The following ZNF585A variants were observed in gnomAD, a reference collection of about 807,000 sequenced individuals.
The protein encoded by ZNF585A is zinc finger protein 585A.
A neutral mutation model predicts 14.9 loss-of-function variants in ZNF585A; 9 were observed. The observed-to-expected ratio is 0.60, with a 90% CI of 0.36 to 1.05. ZNF585A has a LOEUF of 1.05. Ranked by LOEUF, ZNF585A falls within the 50% of genes least tolerant of loss-of-function variation. ZNF585A has a pLI of 0.01. For missense variants in ZNF585A, 726 were observed against 926.4 expected (o/e 0.78, Z 2.81); for synonymous variants, 276 against 319.9 (o/e 0.86, Z 1.46).
At chr19:37,163,013 C>T (rs559944808) in intron 2 of ZNF585A, among the ~76,000 whole-genome samples, 2 of 152,068 alleles carry the variant, frequency 1.3e-5, no homozygotes, top group South Asian at 2.1e-4. Flanking sequence ...GAAATGAAGA[C>T]GCATGCTCTA....
In ZNF585A at chr19:37,151,987, C is replaced by T. The variant is rs750251855; in HGVS notation, c.1912G>A (p.Glu638Lys). The T allele has an allele frequency of 6.8e-6, 11 of 1,614,042 alleles. No homozygotes were observed. Among genetic ancestry groups the T allele is most frequent in the South Asian group, 6.6e-5 (6 of 91,076 alleles). Residue 638 changes from glutamate (E) to lysine (K), a missense_variant, in exon 5 of 5, where the codon GAG becomes AAG. Glu to Lys is a moderately conservative substitution (Grantham distance 56). Around this residue, in one of 2 missense-constraint regions of ZNF585A, gnomAD observed 243 missense variants for 383.6 expected, o/e 0.63. Transcript: ENST00000292841. ...HTGEKPYVCA[E>K]CGKAFSGRSN... is the part of the protein sequence containing the mutation. ...CTGCCACTAAAGGCCTTCCCGCACT[C>T]GGCACACACATAGGGTTTCTCTCCT...
intron 4 of ZNF585A, among the ~76,000 whole-genome samples, chr19:37,154,673 CA>C (rs5827973): frequency 0.56 from 85,427 of 151,524 alleles, 25,713 homozygotes; most frequent in African/African-American, 0.77. Flanking sequence ...CAGTGACCCC[CA>C]AAGTCATCAG....
intron 2 of ZNF585A, among the ~76,000 whole-genome samples, 167 bp downstream of exon 2, chr19:37,169,672 G>A (rs1386292461): frequency 1.3e-5 from 2 of 152,158 alleles, no homozygotes; most frequent in Non-Finnish European, 2.9e-5. Context: ...CCCACATGTT[G>A]CTCATTCTCA....
Position 37,152,601 on chromosome 19 carries a change from G to A in ZNF585A, c.1298C>T (p.Thr433Ile). 1.2e-6 allele frequency: 2 copies of A among 1,614,170 alleles called. No homozygotes were observed. Among genetic ancestry groups the A allele is most frequent in the Non-Finnish European group, 1.7e-6 (2 of 1,180,042 alleles). The part of the protein sequence containing the change: ...AHLIAHQIIH[T>I]GEKPHKCGHC... Reference sequence around the variant, plus strand: ...ACCACATTTATGAGGTTTCTCTCCAGTATGAATTATTTGATGTGCAATCAA... The same window carrying A: ...ACCACATTTATGAGGTTTCTCTCCAATATGAATTATTTGATGTGCAATCAA... Residue 433 changes from threonine (T) to isoleucine (I), a missense_variant, in exon 5 of 5, where the codon ACT (threonine) becomes ATT (isoleucine). Thr to Ile is a moderately conservative substitution (Grantham distance 89, BLOSUM62 -1). Transcript: ENST00000292841.
intron 1 of ZNF585A, among the ~76,000 whole-genome samples, chr19:37,171,911 A>C (rs1174847232): frequency 1.3e-5 from 2 of 152,152 alleles, no homozygotes; most frequent in Non-Finnish European, 2.9e-5. Context: ...TCAAAAAAAA[A>C]AAAAGTGCAC....
Position 37,149,454 on chromosome 19 carries a change from G to A in ZNF585A, c.*2135C>T, listed in dbSNP as rs1486723913. The A allele has an allele frequency of 6.6e-6, 1 of 152,042 alleles. No individual in the cohort carries two copies. The highest frequency in any genetic ancestry group is 2.4e-5 in the African/African-American group (1 of 41,376). 9.4% of individuals were successfully genotyped at this position (152,042 alleles called of 1,614,324 possible). On this transcript the variant is annotated 3_prime_UTR_variant, in exon 5 of 5. Transcript: ENST00000292841. ...AAATTGTTTCCCTTCATGAGGCTTG[G>A]GCATACAGAGGATAGTCAGATGCTT...
In ZNF585A at chr19:37,169,773, A is replaced by C; in HGVS notation, c.72+66T>G. ...CTCCCTCCCTCAGTCATGAGGTTCTAGTGACAGACCAGAGATACCTAGTCC... is the reference window on the plus strand; with the variant it reads ...CTCCCTCCCTCAGTCATGAGGTTCTCGTGACAGACCAGAGATACCTAGTCC... On this transcript the variant is annotated intron_variant, in intron 2 of 4. Coordinates refer to ENST00000292841, the MANE Select transcript of ZNF585A (RefSeq NM_001288800.2). 6 of 1,586,464 alleles carry C rather than the reference A, an allele frequency of 3.8e-6. No homozygotes were observed. The South Asian group carries it at 5.5e-5, about 15-fold the overall frequency.
intron 2 of ZNF585A, among the ~76,000 whole-genome samples, chr19:37,159,110 G>T (rs879877654): frequency 6.6e-6 from 1 of 151,992 alleles, no homozygotes; most frequent in Non-Finnish European, 1.5e-5. Context: ...TTAGCTGGGT[G>T]TGGTGGCACA....
Position 37,151,774 on chromosome 19 carries a change from G to C in ZNF585A, c.2125C>G (p.Gln709Glu). Reference protein sequence around the residue: ...FTKKSQLQVHQRIHTGEKPYV... With the variant: ...FTKKSQLQVHERIHTGEKPYV... The stretch of plus-strand genomic sequence containing the variant: ...GGCTTCTCTCCAGTGTGAATTCGCT[G>C]ATGCACTTGGAGCTGTGATTTTTTA... Residue 709 changes from glutamine (Q) to glutamate (E), a missense_variant, in exon 5 of 5, where the codon CAG (glutamine) becomes GAG (glutamate). Physicochemically the swap from Gln to Glu is conservative, Grantham distance 29. This residue lies in a region of ZNF585A where 243 missense variants were observed against 383.6 expected (regional missense o/e 0.63). Transcript: ENST00000292841. 1 of 1,613,822 alleles carries C rather than the reference G, an allele frequency of 6.2e-7. No individual in the cohort carries two copies. Among genetic ancestry groups the C allele is most frequent in the Non-Finnish European group, 8.5e-7 (1 of 1,179,902 alleles).
intron 2 of ZNF585A, among the ~76,000 whole-genome samples, chr19:37,163,654 CATT>C (rs1039280221): frequency 1.3e-5 from 2 of 151,848 alleles, no homozygotes; most frequent in African/African-American, 2.4e-5. Flanking sequence ...GAACTGTTAT[CATT>C]ATTCACAGTA....
intron 2 of ZNF585A, among the ~76,000 whole-genome samples, chr19:37,163,321 A>G (rs1972038592): frequency 6.6e-6 from 1 of 152,144 alleles, no homozygotes; most frequent in Non-Finnish European, 1.5e-5. Context: ...ATACAACAGA[A>G]GAAATCATAA....
chr19:37,158,062 A>C (rs980451519), intron 2 of ZNF585A, among the ~76,000 whole-genome samples: 3 of 151,814 alleles, frequency 2.0e-5, no homozygotes, highest in African/African-American at 4.8e-5. Context: ...TAATTTTCGT[A>C]TTTTTAATAG....
At chr19:37,166,147 G>C (rs1046375626) in intron 2 of ZNF585A, among the ~76,000 whole-genome samples, 1 of 151,858 alleles carries the variant, frequency 6.6e-6, no homozygotes, top group African/African-American at 2.4e-5. Flanking sequence ...CCAAGTACCT[G>C]GGATTACAGA....
intron 2 of ZNF585A, 36 bp from the exon 3 acceptor site, chr19:37,156,391 A>G: frequency 6.2e-7 from 1 of 1,612,638 alleles, no homozygotes; most frequent in Non-Finnish European, 8.5e-7. Context: ...GTGCACAGTC[A>G]GCTTAGAGGG....
rs1322832768 is a variant in ZNF585A at position 37,148,797 on chromosome 19, A to AC, written c.*2791dup. 3.9e-5 allele frequency: 6 copies of AC among 152,218 alleles called. No individual in the cohort carries two copies. Among genetic ancestry groups the AC allele is most frequent in the African/African-American group, 1.2e-4 (5 of 41,474 alleles). 9.4% of individuals were successfully genotyped at this position (152,218 alleles called of 1,614,324 possible). A position where few individuals can be genotyped will look rare whatever the true frequency, so the allele number is the denominator to read the frequency against. On this transcript the variant is annotated 3_prime_UTR_variant, in exon 5 of 5. Coordinates refer to ENST00000292841, the MANE Select transcript of ZNF585A (RefSeq NM_001288800.2). ...AGTAGGTGAATAAATAAACATCCAGACGATGGAACATAATTTGGCTCTAAA... is the reference window on the plus strand; with the variant it reads ...AGTAGGTGAATAAATAAACATCCAGACCGATGGAACATAATTTGGCTCTAAA...
chr19:37,154,681 T>G (rs1971894754), intron 4 of ZNF585A, among the ~76,000 whole-genome samples: 1 of 151,200 alleles, frequency 6.6e-6, no homozygotes, highest in Non-Finnish European at 1.5e-5. Context: ...CCCAAAGTCA[T>G]CAGTTTATCC....
intron 2 of ZNF585A, chr19:37,165,364 A>C (rs1253272319): frequency 6.6e-6 from 1 of 152,302 alleles, no homozygotes; most frequent in Non-Finnish European, 1.5e-5. Flanking sequence ...GTCTCAAAAA[A>C]AAAAAAAAAG....
chr19:37,156,838 T>A (rs1971939043), intron 2 of ZNF585A, among the ~76,000 whole-genome samples: 1 of 152,132 alleles, frequency 6.6e-6, no homozygotes. Context: ...ATTATAGGAA[T>A]GCACCACCAT....
chr19:37,157,888 CTTTTTTT>C (rs566034676), intron 2 of ZNF585A, among the ~76,000 whole-genome samples: 4 of 125,542 alleles, frequency 3.2e-5, no homozygotes, highest in African/African-American at 1.1e-4. Flanking sequence ...AGGAAAAGTT[CTTTTTTT>C]TTTTTTTTTT....
Sources: allele counts gnomAD v4.1 joint callset (sites outside exome capture counted in the v4.1 genomes callset), GRCh38; gene constraint gnomAD v4.1.1; regional missense constraint gnomAD v4.1.1; transcripts MANE v1.5; gene names NCBI Gene and HGNC (gene_info 2026-07-23, HGNC 2026-07-21).